Variants in KIAA1217 observed in about 807,000 individuals in gnomAD.
KIAA1217 encodes KIAA1217, also known as sickle tail protein homolog.
A neutral mutation model predicts 163.9 loss-of-function variants in KIAA1217; 88 were observed. That is an observed-to-expected ratio of 0.54 (90% CI 0.45 to 0.64). The LOEUF is 0.64. Ranked by LOEUF, KIAA1217 falls within the 30% of genes least tolerant of loss-of-function variation. The probability of loss-of-function intolerance (pLI) is 0.00; values close to 1 mark genes in which losing one functional copy is unlikely to be tolerated. For missense variants in KIAA1217, 2,372 were observed against 2,475.0 expected (o/e 0.96, Z 0.88); for synonymous variants, 903 against 923.1 (o/e 0.98, Z 0.39).
intron 1 of KIAA1217, among the ~76,000 whole-genome samples, chr10:23,848,707 CA>C (rs1292690287): frequency 6.6e-6 from 1 of 152,052 alleles, no homozygotes; most frequent in African/African-American, 2.4e-5. Context: ...CAAGCATCTC[CA>C]ACTTTTCTTG....
chr10:23,807,089 A>G (rs1490406471), intron 1 of KIAA1217, among the ~76,000 whole-genome samples: 1 of 152,246 alleles, frequency 6.6e-6, no homozygotes, highest in Non-Finnish European at 1.5e-5. Flanking sequence ...AGCTCTGAGG[A>G]TTTAATGAAC....
chr10:23,865,265 T>C (rs1840130282), intron 1 of KIAA1217, among the ~76,000 whole-genome samples: 1 of 152,222 alleles, frequency 6.6e-6, no homozygotes, highest in Non-Finnish European at 1.5e-5. Flanking sequence ...TTGTAATTAA[T>C]GCAGATCAAA....
At chr10:24,459,769 A>AT (rs1379515791) in intron 5 of KIAA1217, among the ~76,000 whole-genome samples, 87 of 152,242 alleles carry the variant, frequency 5.7e-4, no homozygotes, top group Admixed American at 3.9e-4. Flanking sequence ...CAAAAAAAAA[A>AT]AATGTTTTTT....
chr10:24,352,645 A>C lies in KIAA1217; in HGVS notation c.355-28224A>C, dbSNP rs542201593. On this transcript the variant is annotated intron_variant, in intron 2 of 20. Transcript: ENST00000376454. Reference sequence around the variant, plus strand: ...AAAGTGAGTTACTGTTCCCAGAGGCAAAGGCACTGCTTCTTGATGACAGGC... The same window carrying C: ...AAAGTGAGTTACTGTTCCCAGAGGCCAAGGCACTGCTTCTTGATGACAGGC... 7.9e-5 allele frequency among the ~76,000 whole-genome samples: 12 copies of C among 152,320 alleles called. No homozygotes were observed. The South Asian group carries it at 2.5e-3, about 32-fold the overall frequency.
chr10:24,397,293 T>C (rs1456971929), intron 3 of KIAA1217, among the ~76,000 whole-genome samples: 1 of 152,106 alleles, frequency 6.6e-6, no homozygotes, highest in Non-Finnish European at 1.5e-5. Flanking sequence ...TTTCACTATG[T>C]TGGCCAGGCT....
At chr10:24,224,561 C>G (rs1187794788) in intron 2 of KIAA1217, among the ~76,000 whole-genome samples, 1 of 152,000 alleles carries the variant, frequency 6.6e-6, no homozygotes, top group African/African-American at 2.4e-5. Context: ...CTCAAGTGAT[C>G]TGCGTGCCTC....
chr10:24,073,328 A>G (rs2061255377), intron 2 of KIAA1217, among the ~76,000 whole-genome samples: 1 of 152,066 alleles, frequency 6.6e-6, no homozygotes, highest in African/African-American at 2.4e-5. Flanking sequence ...AGCCGTTCAC[A>G]GAGCTGTGGA....
intron 1 of KIAA1217, among the ~76,000 whole-genome samples, chr10:23,898,747 C>T (rs572012155): frequency 2.6e-5 from 4 of 152,168 alleles, no homozygotes; most frequent in Admixed American, 2.6e-4. Flanking sequence ...TTCCCCTCCA[C>T]CCCAACTCCT....
At chr10:24,100,979 T>G (rs1284446742) in intron 2 of KIAA1217, among the ~76,000 whole-genome samples, 1 of 152,232 alleles carries the variant, frequency 6.6e-6, no homozygotes, top group Admixed American at 6.5e-5. Flanking sequence ...TATCAGAAAT[T>G]TTGTGGCCAC....
At chr10:24,398,182 A>C (rs1166984927) in intron 3 of KIAA1217, among the ~76,000 whole-genome samples, 1 of 152,214 alleles carries the variant, frequency 6.6e-6, no homozygotes, top group Admixed American at 6.5e-5. Context: ...TATGTATTCT[A>C]TACTGTATTT....
intron 2 of KIAA1217, among the ~76,000 whole-genome samples, chr10:24,071,486 G>C (rs1361502423): frequency 6.6e-6 from 1 of 152,020 alleles, no homozygotes; most frequent in East Asian, 1.9e-4. Flanking sequence ...GAAGAGAATA[G>C]GGTTAATTTA....
chr10:24,330,248 C>G (rs2045489321), intron 2 of KIAA1217, among the ~76,000 whole-genome samples: 1 of 146,002 alleles, frequency 6.8e-6, no homozygotes, highest in African/African-American at 2.5e-5. Context: ...TGCAGTAAGC[C>G]AAGCCCACAC....
intron 1 of KIAA1217, among the ~76,000 whole-genome samples, chr10:23,926,013 C>A (rs554482009): frequency 4.6e-5 from 7 of 152,158 alleles, no homozygotes; most frequent in Non-Finnish European, 7.4e-5. Flanking sequence ...CTTACCCACA[C>A]CCCATCACTG....
chr10:23,941,617 T>C (rs1486786878), intron 1 of KIAA1217, among the ~76,000 whole-genome samples: 1 of 152,128 alleles, frequency 6.6e-6, no homozygotes, highest in African/African-American at 2.4e-5. Flanking sequence ...GACCACAGAA[T>C]GTAGAGTGCA....
At chr10:23,961,945 T>C (rs891533429) in intron 1 of KIAA1217, among the ~76,000 whole-genome samples, 2 of 152,224 alleles carry the variant, frequency 1.3e-5, no homozygotes, top group African/African-American at 4.8e-5. Flanking sequence ...CTTATAAAGA[T>C]ACCAGTTGTA....
At chr10:24,017,648 A>T (rs1847545480) in intron 2 of KIAA1217, among the ~76,000 whole-genome samples, 1 of 152,148 alleles carries the variant, frequency 6.6e-6, no homozygotes, top group South Asian at 2.1e-4. Context: ...GATAAAATTT[A>T]AAAATTTAAT....
intron 2 of KIAA1217, among the ~76,000 whole-genome samples, chr10:24,348,496 C>T (rs942766339): frequency 2.0e-5 from 3 of 151,910 alleles, no homozygotes; most frequent in East Asian, 3.9e-4. Context: ...AAAATAAATC[C>T]TAATATGTAA....
At chr10:24,275,724 C>T (rs11014002) in intron 2 of KIAA1217, 35,250 of 531,600 alleles carry the variant, frequency 0.066, 1,754 homozygotes, top group East Asian at 0.23. Flanking sequence ...AATTGCAGTG[C>T]TTCCCATTTA....
At chr10:24,455,176 C>G (rs921523530) in intron 5 of KIAA1217, among the ~76,000 whole-genome samples, 1 of 152,104 alleles carries the variant, frequency 6.6e-6, no homozygotes, top group Non-Finnish European at 1.5e-5. Flanking sequence ...TAATAAGTTT[C>G]TATTCAGTAT....
Sources: gnomAD v4.1 joint callset for allele counts (sites outside exome capture counted in the v4.1 genomes callset) on GRCh38, gnomAD v4.1.1 for gene constraint, MANE v1.5 for transcripts, NCBI Gene and HGNC (gene_info 2026-07-23, HGNC 2026-07-21) for gene names.